Variants in MYOM3 observed in about 807,000 individuals in gnomAD.
MYOM3 encodes myomesin-3.
MYOM3 carries 155 observed loss-of-function variants against 191.7 expected under a neutral mutation model. That is an observed-to-expected ratio of 0.81 (90% confidence interval 0.71 to 0.92). The LOEUF (loss-of-function observed/expected upper bound fraction) is 0.92, where lower values mean the gene tolerates loss of function less well. MYOM3 is among the 40% of genes least tolerant of loss of function. The pLI is 0.00. For synonymous variants in MYOM3, 757 were observed against 762.9 expected (o/e 0.99, Z 0.13); for missense variants, 1,889 against 1,890.6 (o/e 1.00, Z 0.02).
At chr1:24,100,759 C>T (rs1041345476) in intron 5 of MYOM3, among the ~76,000 whole-genome samples, 1 of 151,936 alleles carries the variant, frequency 6.6e-6, no homozygotes, top group Non-Finnish European at 1.5e-5. Flanking sequence ...TGGTGGCGGG[C>T]GCCTGTAGTC....
chr1:24,101,372 C>A (rs1643932389), intron 5 of MYOM3, among the ~76,000 whole-genome samples: 1 of 152,192 alleles, frequency 6.6e-6, no homozygotes, highest in African/African-American at 2.4e-5. Flanking sequence ...CAGGCTGCAT[C>A]CCAAATCAAT....
At chr1:24,092,431 T>A in intron 10 of MYOM3, 116 bp from the exon 11 acceptor site, 1 of 906,884 alleles carries the variant, frequency 1.1e-6, no homozygotes, top group South Asian at 4.7e-5. Flanking sequence ...TCAGTTTTGA[T>A]CTTGAGGACT....
chr1:24,070,054 T>C (rs1258232349), intron 25 of MYOM3, among the ~76,000 whole-genome samples: 2 of 152,192 alleles, frequency 1.3e-5, no homozygotes, highest in African/African-American at 4.8e-5. Context: ...AATCATGTGG[T>C]TCAATCTAAT....
chr1:24,089,268 G>A (rs1447298162), intron 14 of MYOM3, among the ~76,000 whole-genome samples: 1 of 152,194 alleles, frequency 6.6e-6, no homozygotes, highest in Non-Finnish European at 1.5e-5. Context: ...GTGGTGGATC[G>A]TATTGTCATT....
rs1191026559 is a variant in MYOM3, at chr1:24,056,451, C to T, written c.*913G>A. 1.3e-5 allele frequency: 2 copies of T among 152,230 alleles called. No individual in the cohort carries two copies. Among genetic ancestry groups the T allele is most frequent in the African/African-American group, 2.4e-5 (1 of 41,460 alleles). 9.4% of individuals were successfully genotyped at this position (152,230 alleles called of 1,614,324 possible). A position where few individuals can be genotyped will look rare whatever the true frequency, so the allele number is the denominator to read the frequency against. On this transcript the variant is annotated 3_prime_UTR_variant, in exon 37 of 37. Transcript: ENST00000374434. Reference sequence around the variant, plus strand: ...TGGCTCAATCTTGGCTCATCACAACCTCCGCCTCCCAGGTTCAACGGATTC... The same window carrying T: ...TGGCTCAATCTTGGCTCATCACAACTTCCGCCTCCCAGGTTCAACGGATTC...
At chr1:24,068,050 A>AGT in intron 26 of MYOM3, 21 bp from the exon 27 acceptor site, 1 of 1,613,908 alleles carries the variant, frequency 6.2e-7, no homozygotes. Context: ...AGAGGGAGGA[A>AGT]CTGGCATGAG....
Position 24,087,128 on chromosome 1 carries a change from C to T in MYOM3, c.1615-301G>A, listed in dbSNP as rs11249130. On this transcript the variant is annotated intron_variant, in intron 14 of 36. Transcript: ENST00000374434. This position sits in a 1 kb window ranked among gnomAD's most constrained non-coding sequence, Gnocchi z 4.5. The stretch of plus-strand genomic sequence containing the variant: ...TGAAACCCCTGGAGCCACCCTTGGC[C>T]CTTCCTCTCTTTGTCTCATGCCCTA... Among the ~76,000 whole-genome samples, 97,108 of 151,974 alleles carry T rather than the reference C, an allele frequency of 0.64. 31,535 individuals carry two copies. Among genetic ancestry groups the T allele is most frequent in the East Asian group, 0.94 (4,812 of 5,138 alleles).
chr1:24,073,039 C>CA (rs1430919580), intron 23 of MYOM3, among the ~76,000 whole-genome samples: 5 of 151,908 alleles, frequency 3.3e-5, no homozygotes, highest in African/African-American at 1.2e-4. Flanking sequence ...CAAACAAAAC[C>CA]AAAAAAACCC....
chr1:24,088,122 GT>G (rs1329488123), intron 14 of MYOM3, among the ~76,000 whole-genome samples: 3 of 152,162 alleles, frequency 2.0e-5, no homozygotes, highest in Admixed American at 6.5e-5. Flanking sequence ...CAGATGGAGG[GT>G]GGAGAGCCCA....
chr1:24,108,231 C>CG (rs952757698), intron 2 of MYOM3, 158 bp from the exon 3 acceptor site: 2 of 778,196 alleles, frequency 2.6e-6, no homozygotes, highest in Non-Finnish European at 4.1e-6. Flanking sequence ...GCTGCATCCC[C>CG]CCGACCCTGA....
intron 6 of MYOM3, 110 bp from the exon 7 acceptor site, chr1:24,098,121 C>T (rs1416628448): frequency 4.0e-6 from 3 of 742,554 alleles, no homozygotes; most frequent in Non-Finnish European, 4.9e-6. Flanking sequence ...CTCACGGTGC[C>T]AGGAAGAGAC....
intron 28 of MYOM3, 56 bp downstream of exon 28, chr1:24,066,965 G>A (rs1231459111): frequency 9.4e-6 from 14 of 1,487,768 alleles, no homozygotes; most frequent in Non-Finnish European, 1.2e-5. Flanking sequence ...TGGGCTTGGG[G>A]ACAAGCCACA....
chr1:24,070,804 C>T (rs931415932), intron 25 of MYOM3, among the ~76,000 whole-genome samples: 1 of 152,040 alleles, frequency 6.6e-6, no homozygotes, highest in Non-Finnish European at 1.5e-5. Flanking sequence ...TAGGCATGAA[C>T]GCAGGTTTTT....
intron 5 of MYOM3, 93 bp downstream of exon 5, chr1:24,105,827 T>A: frequency 2.3e-6 from 3 of 1,292,106 alleles, no homozygotes; most frequent in East Asian, 2.4e-5. Flanking sequence ...GGTTCACAGG[T>A]CTGCAACAAG....
intron 12 of MYOM3, 65 bp from the exon 13 acceptor site, chr1:24,090,183 C>T: frequency 1.5e-6 from 2 of 1,333,926 alleles, no homozygotes; most frequent in African/African-American, 1.4e-5. Context: ...CAGGAGCTAC[C>T]CCACACCAGG....
intron 5 of MYOM3, among the ~76,000 whole-genome samples, chr1:24,100,799 A>G (rs1309194291): frequency 6.6e-6 from 1 of 151,996 alleles, no homozygotes; most frequent in African/African-American, 2.4e-5. Flanking sequence ...AGGCAGCAGA[A>G]TGACATGAAC....
In MYOM3 at chr1:24,071,222, G is replaced by C. The variant is rs1252373622; in HGVS notation, c.3045C>G (p.Asp1015Glu). Reference sequence around the variant, plus strand: ...GCCGCACCTCCCCTCGCTCCAGGATGTCAATGTTCCAGCCGGAGATCAGTT... The same window carrying C: ...GCCGCACCTCCCCTCGCTCCAGGATCTCAATGTTCCAGCCGGAGATCAGTT... ...VIKLISGWNI[D>E]ILERGEVRLW... Residue 1015 changes from aspartate (D) to glutamate (E), a missense_variant, in exon 25 of 37, where the codon GAC becomes GAG. Coordinates refer to ENST00000374434, the MANE Select transcript of MYOM3 (RefSeq NM_152372.4). 1 of 1,613,794 alleles carries C rather than the reference G, an allele frequency of 6.2e-7. No individual in the cohort carries two copies. Among genetic ancestry groups the C allele is most frequent in the East Asian group, 2.2e-5 (1 of 44,866 alleles).
In MYOM3 at chr1:24,063,136, A is replaced by G; in HGVS notation, c.3760T>C (p.Trp1254Arg). Residue 1254 changes from tryptophan (W) to arginine (R), a missense_variant, in exon 32 of 37, where the codon TGG becomes CGG. Transcript: ENST00000374434. This position sits in a 1 kb window ranked among gnomAD's most constrained non-coding sequence, Gnocchi z 4.5. ...GCAAGGCGGACTTACTTGTGGAACCAGGTGGTTTTCATGTACTCCACGTTG... is the reference window on the plus strand; with the variant it reads ...GCAAGGCGGACTTACTTGTGGAACCGGGTGGTTTTCATGTACTCCACGTTG... ...YYNVEYMKTT[W>R]FHKDKRLESG... The G allele has an allele frequency of 6.2e-7, 1 of 1,607,636 alleles. No homozygotes were observed. Among genetic ancestry groups the G allele is most frequent in the Non-Finnish European group, 8.5e-7 (1 of 1,174,498 alleles).
chr1:24,074,042 C>G, intron 23 of MYOM3, 118 bp downstream of exon 23: 1 of 729,132 alleles, frequency 1.4e-6, no homozygotes. Context: ...TGAGGGCCTA[C>G]TTCTCTGTGG....
Sources: allele counts gnomAD v4.1 joint callset (sites outside exome capture counted in the v4.1 genomes callset), GRCh38; gene constraint gnomAD v4.1.1; non-coding constraint Gnocchi (gnomAD v3.1); transcripts MANE v1.5; gene names NCBI Gene and HGNC (gene_info 2026-07-23, HGNC 2026-07-21).